Variants in MSMB observed in about 807,000 individuals in gnomAD.
The protein encoded by MSMB is microseminoprotein beta.
Under a neutral mutation model 10.5 loss-of-function variants are expected in MSMB, and 10 were observed. The observed-to-expected ratio is 0.95, with a 90% CI of 0.59 to 1.62. The LOEUF is 1.62. Ranked by LOEUF, MSMB falls within the 40% of genes most tolerant of loss-of-function variation. The pLI is 0.00. For missense variants in MSMB, 126 were observed against 137.4 expected (o/e 0.92, Z 0.42); for synonymous variants, 43 against 46.5 (o/e 0.93, Z 0.30).
chr10:46,033,933 A>G (rs1418185316), intron 3 of MSMB, among the ~76,000 whole-genome samples: 2 of 152,188 alleles, frequency 1.3e-5, no homozygotes, highest in Non-Finnish European at 2.9e-5. Flanking sequence ...GCCTGTTGGC[A>G]AAGGAGCTCT....
At chr10:46,040,179 G>C in intron 1 of MSMB, 88 bp from the exon 2 acceptor site, 1 of 1,126,136 alleles carries the variant, frequency 8.9e-7, no homozygotes, top group Admixed American at 2.1e-5. Context: ...ATCTCGGCTG[G>C]GCTCTGCTGA....
intron 3 of MSMB, among the ~76,000 whole-genome samples, chr10:46,033,819 C>T (rs1465042662): frequency 6.6e-6 from 1 of 152,210 alleles, no homozygotes; most frequent in Admixed American, 6.5e-5. Context: ...TAGAAAGTGG[C>T]AGCTTGTTCC....
chr10:46,038,991 C>T lies in MSMB; in HGVS notation c.190G>A (p.Glu64Lys), dbSNP rs147134999. ...TDNCETCTCY[E>K]TEISCCTLVS... ...AGGGTGCAACATGAAATTTCTGTTT[C>T]GTAGCAAGTGCATGTCTCACAGTTG... The change falls in exon 3 of 4, where the codon GAA (glutamate) becomes AAA (lysine). Residue 64 changes from glutamate (E) to lysine (K), a missense_variant. By Grantham distance (56) the Glu-to-Lys change is moderately conservative (BLOSUM62 1). Transcript: ENST00000582163. 230 of 1,613,916 alleles carry T rather than the reference C, an allele frequency of 1.4e-4. No homozygotes were observed. The African/African-American group carries it at 2.0e-3, about 14-fold the overall frequency.
chr10:46,034,778 T>C (rs1840560788), intron 3 of MSMB, among the ~76,000 whole-genome samples: 1 of 146,838 alleles, frequency 6.8e-6, no homozygotes, highest in Admixed American at 6.9e-5. Context: ...TGAGCAGAGA[T>C]CACACCACTG....
At chr10:46,033,638 C>A (rs2132408376) in intron 3 of MSMB, 87 bp from the exon 4 acceptor site, 4 of 1,561,382 alleles carry the variant, frequency 2.6e-6, no homozygotes, top group Non-Finnish European at 2.6e-6. Flanking sequence ...CAGGAAGTCA[C>A]CCACACTCCA....
intron 2 of MSMB, 40 bp from the exon 3 acceptor site, chr10:46,039,111 A>T (rs782029211): frequency 1.3e-6 from 2 of 1,571,936 alleles, no homozygotes; most frequent in Non-Finnish European, 1.7e-6. Flanking sequence ...CAAGTCATGC[A>T]ATGAGAACAA....
At chr10:46,044,755 C>T (rs920000561) in intron 1 of MSMB, among the ~76,000 whole-genome samples, 1 of 151,662 alleles carries the variant, frequency 6.6e-6, no homozygotes, top group Non-Finnish European at 1.5e-5. Context: ...AGTTAGAGAC[C>T]AGCCTGGGCA....
chr10:46,040,185 G>T, intron 1 of MSMB, 94 bp from the exon 2 acceptor site: 3 of 1,020,076 alleles, frequency 2.9e-6, no homozygotes, highest in Admixed American at 2.2e-5. Flanking sequence ...GCTGGGCTCT[G>T]CTGAGAGGTT....
At chr10:46,046,146 G>A in intron 1 of MSMB, 89 bp downstream of exon 1, 1 of 1,310,650 alleles carries the variant, frequency 7.6e-7, no homozygotes, top group Non-Finnish European at 1.1e-6. Flanking sequence ...ACCATTCAAT[G>A]CTATGTGGTA....
At chr10:46,045,256 G>T (rs113670992) in intron 1 of MSMB, among the ~76,000 whole-genome samples, 24 of 152,138 alleles carry the variant, frequency 1.6e-4, no homozygotes, top group Non-Finnish European at 7.4e-5. Context: ...TCTTGGCCAG[G>T]CACAGTGGTT....
chr10:46,040,150 C>T, intron 1 of MSMB, 59 bp from the exon 2 acceptor site: 2 of 1,443,288 alleles, frequency 1.4e-6, no homozygotes, highest in Admixed American at 3.5e-5. Flanking sequence ...TAATCCTTGA[C>T]TGAGTGCTGT....
intron 1 of MSMB, among the ~76,000 whole-genome samples, chr10:46,043,074 A>G (rs1272135182): frequency 6.6e-6 from 1 of 152,062 alleles, no homozygotes; most frequent in East Asian, 1.9e-4. Context: ...GGAAACCTAA[A>G]CTTTTCCCCC....
At chr10:46,039,213 G>T in intron 2 of MSMB, 142 bp from the exon 3 acceptor site, 1 of 705,330 alleles carries the variant, frequency 1.4e-6, no homozygotes, top group South Asian at 1.7e-5. Context: ...TAAGAATGGT[G>T]CTCCTGTATT....
intron 1 of MSMB, among the ~76,000 whole-genome samples, chr10:46,041,391 T>G (rs924790458): frequency 1.1e-4 from 17 of 151,824 alleles, no homozygotes; most frequent in African/African-American, 3.6e-4. Context: ...TAAACTAAAT[T>G]TGTTGTAATT....
chr10:46,044,575 G>GGAAAAAAAAAAAAA (rs1554929177), intron 1 of MSMB, among the ~76,000 whole-genome samples: 1 of 38,530 alleles, frequency 2.6e-5, no homozygotes, highest in African/African-American at 7.0e-5. Context: ...CTCCGTCTCA[G>GGAAAAAAAAAAAAA]AAAAAAAAAA....
rs1564933358 is a variant in MSMB, at chr10:46,033,571, G to C, written c.216-20C>G. ...GAAACACTGTCATTGAGACAAAACT[G>C]GGGCCTGTTAGAAGAGAAAGGACCC... On this transcript the variant is annotated intron_variant, in intron 3 of 3. Transcript: ENST00000582163. 6.2e-7 allele frequency: 1 copy of C among 1,611,996 alleles called. No homozygotes were observed. Among genetic ancestry groups the C allele is most frequent in the Non-Finnish European group, 8.5e-7 (1 of 1,178,552 alleles).
Position 46,033,421 on chromosome 10 carries a change from A to G in MSMB, c.*1T>C, listed in dbSNP as rs782599736. 2.7e-5 allele frequency: 44 copies of G among 1,613,464 alleles called. No individual in the cohort carries two copies. Among genetic ancestry groups the G allele is most frequent in the Non-Finnish European group, 3.6e-5 (43 of 1,179,540 alleles). ...GGAGCCCTGTGCCTACTAGAAGCAC[A>G]TTAGATTATCCATTCACTGACAGAA... On this transcript the variant is annotated 3_prime_UTR_variant, in exon 4 of 4. Coordinates refer to ENST00000582163, the MANE Select transcript of MSMB (RefSeq NM_002443.4).
At chr10:46,046,109 C>G (rs182364761) in intron 1 of MSMB, 126 bp downstream of exon 1, 2 of 1,004,996 alleles carry the variant, frequency 2.0e-6, no homozygotes, top group Admixed American at 3.6e-5. Flanking sequence ...CAGGTAATAA[C>G]ATAAGGTTCC....
In MSMB at chr10:46,033,473, C is replaced by T. The variant is rs368572402; in HGVS notation, c.294G>A (p.Val98=). Residue 98 remains valine (V), a synonymous_variant, in exon 4 of 4, where the codon GTG becomes GTA. Coordinates refer to ENST00000582163, the MANE Select transcript of MSMB (RefSeq NM_002443.4). ...FKKEDCKYIV[V]EKKDPKKTCS... Reference sequence around the variant, plus strand: ...AGGTCTTTTTTGGGTCCTTCTTCTCCACCACGATATACTTGCAGTCCTCCT... The same window carrying T: ...AGGTCTTTTTTGGGTCCTTCTTCTCTACCACGATATACTTGCAGTCCTCCT... 2 of 1,614,022 alleles carry T rather than the reference C, an allele frequency of 1.2e-6. No individual in the cohort carries two copies. The highest frequency in any genetic ancestry group is 2.7e-5 in the African/African-American group (2 of 75,046).
Sources: gnomAD v4.1 joint callset for allele counts (sites outside exome capture counted in the v4.1 genomes callset) on GRCh38, gnomAD v4.1.1 for gene constraint, MANE v1.5 for transcripts, NCBI Gene and HGNC (gene_info 2026-07-23, HGNC 2026-07-21) for gene names.